The following SETD2 variants were observed in gnomAD, a reference collection of about 807,000 sequenced individuals.
SETD2 encodes the protein histone-lysine N-methyltransferase SETD2.
SETD2 carries 31 observed loss-of-function variants against 242.1 expected under a neutral mutation model. That is an observed-to-expected ratio of 0.13 (90% confidence interval 0.10 to 0.17). The LOEUF is 0.17. Ranked by LOEUF, SETD2 falls within the 10% of genes least tolerant of loss-of-function variation. The probability of loss-of-function intolerance (pLI) is 1.00; values close to 1 mark genes in which losing one functional copy is unlikely to be tolerated. For missense variants in SETD2, 2,481 were observed against 3,046.3 expected (o/e 0.81, Z 4.37); for synonymous variants, 1,006 against 1,066.5 (o/e 0.94, Z 1.11).
intron 1 of SETD2, among the ~76,000 whole-genome samples, chr3:47,145,003 A>G (rs1031796872): frequency 6.6e-6 from 1 of 152,202 alleles, no homozygotes; most frequent in Non-Finnish European, 1.5e-5. Flanking sequence ...TTTAAAAATA[A>G]CAGAATATGG....
At chr3:47,097,916 T>A (rs2107673789) in intron 9 of SETD2, 39 bp downstream of exon 9, 1 of 1,605,750 alleles carries the variant, frequency 6.2e-7, no homozygotes, top group Non-Finnish European at 8.5e-7. Flanking sequence ...GCTTTTTAAA[T>A]TTTTTATTGT....
intron 1 of SETD2, 21 bp downstream of exon 1, chr3:47,163,833 G>A (rs1003415079): frequency 2.4e-6 from 3 of 1,271,900 alleles, no homozygotes; most frequent in African/African-American, 1.5e-5. Context: ...AGCAGCGGGG[G>A]GCCGCGGAGC....
chr3:47,031,407 A>G (rs1452401526), intron 18 of SETD2, among the ~76,000 whole-genome samples: 1 of 152,248 alleles, frequency 6.6e-6, no homozygotes, highest in Non-Finnish European at 1.5e-5. Context: ...TGCTATGCCA[A>G]AACAGAACTA....
chr3:47,062,340 T>C lies in SETD2; in HGVS notation c.6116A>G (p.Glu2039Gly), dbSNP rs1331804243. 6.3e-7 allele frequency: 1 copy of C among 1,596,086 alleles called. No homozygotes were observed. Among genetic ancestry groups the C allele is most frequent in the Non-Finnish European group, 8.5e-7 (1 of 1,174,288 alleles). The stretch of plus-strand genomic sequence containing the variant: ...GAAGCCAACAGCATCCCTTCCTCGT[T>C]CAGTTGCTAAGGGAAAAGGGTGGTT... ...SQTEKENTTT[E>G]RGRDAVGFRD... The change falls in exon 14 of 21, where the codon GAA becomes GGA. Residue 2039 changes from glutamate to glycine, a missense_variant. Glu to Gly is a moderately conservative substitution (Grantham distance 98). Transcript: ENST00000409792.
intron 1 of SETD2, among the ~76,000 whole-genome samples, chr3:47,130,778 A>G (rs1284308355): frequency 6.6e-6 from 1 of 151,416 alleles, no homozygotes; most frequent in Non-Finnish European, 1.5e-5. Context: ...ACTACAGAGA[A>G]AAAAAAAAGA....
At position 47,120,303 on chromosome 3, in the gene SETD2, C is replaced by A. The variant is rs757898935; in HGVS notation, c.4333G>T (p.Val1445Phe). Residue 1445 changes from valine to phenylalanine, a missense_variant, in exon 3 of 21, where the codon GTT becomes TTT. By Grantham distance (50) the Val-to-Phe change is conservative. Around this residue, in one of 17 missense-constraint regions of SETD2, gnomAD observed 1,300 missense variants for 1,259.2 expected, o/e 1.03. Transcript: ENST00000409792. ...TCATCCATGACACAGGAGGGCCCAA[C>A]CAGTGCTGAACCTGGGGGCACTGAT... Reference protein sequence around the residue: ...ETSVPPGSALVGPSCVMDDFR... With the variant: ...ETSVPPGSALFGPSCVMDDFR... The A allele has an allele frequency of 6.2e-7, 1 of 1,613,888 alleles. No homozygotes were observed. Among genetic ancestry groups the A allele is most frequent in the African/African-American group, 1.3e-5 (1 of 74,912 alleles).
chr3:47,150,847 G>A (rs190913498), intron 1 of SETD2, among the ~76,000 whole-genome samples: 7 of 151,514 alleles, frequency 4.6e-5, no homozygotes, highest in African/African-American at 1.7e-4. Context: ...TTGAGCCTGG[G>A]AGGTTGAGGC....
chr3:47,120,189 T>C lies in SETD2; in HGVS notation c.4447A>G (p.Thr1483Ala), dbSNP rs543066717. The C allele has an allele frequency of 6.5e-7, 1 of 1,532,306 alleles. No individual in the cohort carries two copies. The highest frequency in any genetic ancestry group is 1.3e-5 in the South Asian group (1 of 78,776). The allele number at this position is 1,532,306 out of a possible 1,614,324, so 94.9% of individuals were successfully genotyped here. A position where few individuals can be genotyped will look rare whatever the true frequency, so the allele number is the denominator to read the frequency against. ...FDLIEENVYL[T>A]ERKKNKSHRD... ...AGTATTAATTAGACTTACCTTTCTG[T>C]TAAATAAACATTTTCTTCAATAAGA... Residue 1483 changes from threonine to alanine, a missense_variant, in exon 3 of 21, where the codon ACA (threonine) becomes GCA (alanine). Physicochemically the swap from Thr to Ala is moderately conservative, Grantham distance 58. This residue lies in a region of SETD2 where 48 missense variants were observed against 76.6 expected (regional missense o/e 0.63). Coordinates refer to ENST00000409792, the MANE Select transcript of SETD2 (RefSeq NM_014159.7).
intron 14 of SETD2, among the ~76,000 whole-genome samples, chr3:47,058,015 CA>C (rs1404613484): frequency 6.6e-6 from 1 of 152,030 alleles, no homozygotes; most frequent in Admixed American, 6.5e-5. Flanking sequence ...AGCAGAAAGA[CA>C]TATACAAAGA....
chr3:47,037,848 TCATA>T, intron 17 of SETD2, 71 bp from the exon 18 acceptor site: 1 of 1,028,944 alleles, frequency 9.7e-7, no homozygotes, highest in East Asian at 2.4e-5. Flanking sequence ...ACATCACTGC[TCATA>T]CATACATAAA....
intron 10 of SETD2, 125 bp downstream of exon 10, chr3:47,087,988 C>T (rs1575751810): frequency 2.0e-6 from 2 of 1,024,286 alleles, no homozygotes; most frequent in South Asian, 2.1e-5. Flanking sequence ...AACAAACAAA[C>T]AAACAAATAA....
chr3:47,147,509 G>A (rs1575845575), intron 1 of SETD2, among the ~76,000 whole-genome samples: 1 of 149,380 alleles, frequency 6.7e-6, no homozygotes. Flanking sequence ...TTTTAGTAGA[G>A]ACAGGGTTTC....
rs2106683372 is a variant in SETD2 at position 47,122,629 on chromosome 3, T to C, written c.2007A>G (p.Ile669Met). The C allele has an allele frequency of 6.2e-7, 1 of 1,613,852 alleles. No individual in the cohort carries two copies. Among genetic ancestry groups the C allele is most frequent in the Non-Finnish European group, 8.5e-7 (1 of 1,179,780 alleles). The stretch of plus-strand genomic sequence containing the variant: ...CAGGAGATCCATTTATATTTAATTC[T>C]ATGGGACAAAAACTTCTTAATTGAT... Reference protein sequence around the residue: ...KNDQLRSFCPIELNINGSPGA... With the variant: ...KNDQLRSFCPMELNINGSPGA... The change falls in exon 3 of 21, where the codon ATA becomes ATG. Residue 669 changes from isoleucine to methionine, a missense_variant. Around this residue, in one of 17 missense-constraint regions of SETD2, gnomAD observed 1,300 missense variants for 1,259.2 expected, o/e 1.03. Coordinates refer to ENST00000409792, the MANE Select transcript of SETD2 (RefSeq NM_014159.7).
rs2106685904 is a variant in SETD2 at position 47,122,730 on chromosome 3, A to T, written c.1906T>A (p.Phe636Ile). Residue 636 changes from phenylalanine (F) to isoleucine (I), a missense_variant, in exon 3 of 21, where the codon TTT becomes ATT. By Grantham distance (21) the Phe-to-Ile change is conservative. Transcript: ENST00000409792. ...TLKKLDELPI[F>I]KSEFITHDSH... ...TCATGTGTTATAAATTCGGACTTAA[A>T]AATAGGCAATTCATCTAGCTTTTTT... The T allele has an allele frequency of 6.2e-7, 1 of 1,611,436 alleles. No individual in the cohort carries two copies. The highest frequency in any genetic ancestry group is 1.3e-5 in the African/African-American group (1 of 74,794).
chr3:47,135,456 T>G (rs12493425), intron 1 of SETD2, among the ~76,000 whole-genome samples: 99,289 of 151,964 alleles, frequency 0.65, 32,862 homozygotes, highest in African/African-American at 0.76. Context: ...TTATATTTTT[T>G]GTAGAGACAG....
chr3:47,067,252 A>G (rs765004001), intron 12 of SETD2, 134 bp from the exon 13 acceptor site: 2 of 689,884 alleles, frequency 2.9e-6, no homozygotes, highest in African/African-American at 3.6e-5. Context: ...AATTTGACTT[A>G]TATCTGGGCT....
rs184257437 is a variant in SETD2, at chr3:47,032,688, G to C, written c.7350+4978C>G. 3.2e-4 allele frequency among the ~76,000 whole-genome samples: 48 copies of C among 152,118 alleles called. No homozygotes were observed. In the Middle Eastern group the frequency reaches 0.014, roughly 43 times the overall value. On this transcript the variant is annotated intron_variant, in intron 18 of 20. Coordinates refer to ENST00000409792, the MANE Select transcript of SETD2 (RefSeq NM_014159.7). Reference sequence around the variant, plus strand: ...GCACTTTAGGAGGCCGAGACAAGTGGATCACCTGAGGTCAGGAGTTCGAGA... The same window carrying C: ...GCACTTTAGGAGGCCGAGACAAGTGCATCACCTGAGGTCAGGAGTTCGAGA...
Position 47,105,836 on chromosome 3 carries a change from G to A in SETD2, c.4839+161C>T, listed in dbSNP as rs530960895. 1.3e-5 allele frequency: 9 copies of A among 700,548 alleles called. No homozygotes were observed. In the Admixed American group the frequency reaches 1.8e-4, roughly 14 times the overall value. 43.4% of individuals were successfully genotyped at this position (700,548 alleles called of 1,614,324 possible). On this transcript the variant is annotated intron_variant, in intron 6 of 20. Coordinates refer to ENST00000409792, the MANE Select transcript of SETD2 (RefSeq NM_014159.7). Reference sequence around the variant, plus strand: ...GAGAATCTCTTGAACCCAGGAGGCAGGGGTTGCAGTGAGCCGAGATCTTGC... The same window carrying A: ...GAGAATCTCTTGAACCCAGGAGGCAAGGGTTGCAGTGAGCCGAGATCTTGC...
chr3:47,058,458 A>AAAAAC (rs2040179286), intron 14 of SETD2, among the ~76,000 whole-genome samples: 1 of 145,382 alleles, frequency 6.9e-6, no homozygotes, highest in African/African-American at 2.5e-5. Context: ...AAAAAAAAAA[A>AAAAAC]AAAAAACACA....
Sources: gnomAD v4.1 joint callset for allele counts (sites outside exome capture counted in the v4.1 genomes callset) on GRCh38, gnomAD v4.1.1 for gene constraint, gnomAD v4.1.1 regional missense constraint, MANE v1.5 for transcripts, NCBI Gene and HGNC (gene_info 2026-07-23, HGNC 2026-07-21) for gene names.